Variants in BBX observed in about 807,000 individuals in gnomAD.
BBX encodes the protein HMG box transcription factor BBX.
A neutral mutation model predicts 100.2 loss-of-function variants in BBX; 30 were observed. The ratio of observed to expected loss-of-function variants is 0.30; its 90% confidence interval spans 0.22 to 0.41. The LOEUF is 0.41. Among genes scored for constraint, BBX ranks in the 10% least tolerant of loss-of-function variants. The probability of loss-of-function intolerance (pLI) is 1.00; values close to 1 mark genes in which losing one functional copy is unlikely to be tolerated. For synonymous variants in BBX, 376 were observed against 388.1 expected, an observed-to-expected ratio of 0.97 and a Z score of 0.37; for missense variants, 1,023 against 1,129.8, an observed-to-expected ratio of 0.91 and a Z score of 1.35.
At chr3:107,736,832 A>C (rs894102781) in intron 7 of BBX, among the ~76,000 whole-genome samples, 1 of 152,078 alleles carries the variant, frequency 6.6e-6, no homozygotes, top group African/African-American at 2.4e-5. Flanking sequence ...GCTAGAACAG[A>C]AGGAGAGGGG....
rs1490548935 is a variant in BBX, at chr3:107,691,475, G to A, written c.-9-18977G>A. On this transcript the variant is annotated intron_variant, in intron 3 of 17. Transcript: ENST00000325805. The stretch of plus-strand genomic sequence containing the variant: ...TTCTAAACAGAGCACTGTTATGACT[G>A]AATCATCAAGTAAGCACTTACATTT... Among the ~76,000 whole-genome samples, 3 of 152,136 alleles carry A rather than the reference G, an allele frequency of 2.0e-5. No individual in the cohort carries two copies. The East Asian group carries it at 5.8e-4, about 29-fold the overall frequency.
At position 107,737,884 on chromosome 3, in the gene BBX, G is replaced by GTTTTTTTTT. The variant is rs1156396951; in HGVS notation, c.669+4883_669+4891dup. 5.6e-3 allele frequency among the ~76,000 whole-genome samples: 272 copies of GTTTTTTTTT among 48,860 alleles called. 19 individuals are homozygous for GTTTTTTTTT. Among genetic ancestry groups the GTTTTTTTTT allele is most frequent in the Middle Eastern group, 0.016 (1 of 62 alleles). 32.1% of individuals were successfully genotyped at this position (48,860 alleles called of 152,430 possible). ...GGACCAGAAGTACTTCAGAGTTCCA[G>GTTTTTTTTT]TTTTTTTTTTTTTTTTTTTTTTTTT... On this transcript the variant is annotated intron_variant, in intron 7 of 17. Coordinates refer to ENST00000325805, the MANE Select transcript of BBX (RefSeq NM_001142568.3).
intron 12 of BBX, among the ~76,000 whole-genome samples, chr3:107,775,376 A>G (rs2067240450): frequency 6.6e-6 from 1 of 152,182 alleles, no homozygotes; most frequent in Admixed American, 6.5e-5. Flanking sequence ...TTAATTATAT[A>G]TTGAAATGCA....
chr3:107,606,056 T>G (rs1388634645), intron 2 of BBX, among the ~76,000 whole-genome samples: 1 of 152,228 alleles, frequency 6.6e-6, no homozygotes, highest in Non-Finnish European at 1.5e-5. Flanking sequence ...TCTTGACTTT[T>G]AGGAAAATAA....
intron 2 of BBX, among the ~76,000 whole-genome samples, chr3:107,583,950 T>TA (rs1228095259): frequency 6.6e-5 from 5 of 76,216 alleles, no homozygotes; most frequent in African/African-American, 1.7e-4. Context: ...ATATATATTA[T>TA]TATATTATAT....
chr3:107,534,905 A>G (rs1229244535), intron 2 of BBX, among the ~76,000 whole-genome samples: 1 of 152,252 alleles, frequency 6.6e-6, no homozygotes, highest in African/African-American at 2.4e-5. Flanking sequence ...TGCAGTTTTT[A>G]GAAGTTTCCC....
At chr3:107,581,816 C>T (rs888117250) in intron 2 of BBX, among the ~76,000 whole-genome samples, 3 of 152,052 alleles carry the variant, frequency 2.0e-5, no homozygotes, top group Non-Finnish European at 4.4e-5. Flanking sequence ...ACTATGTCCT[C>T]TAGGGAATAG....
At chr3:107,579,965 TAATTATATA>T (rs939555135) in intron 2 of BBX, among the ~76,000 whole-genome samples, 9 of 152,280 alleles carry the variant, frequency 5.9e-5, no homozygotes, top group African/African-American at 2.2e-4. Context: ...TATTTTTTGT[TAATTATATA>T]AATTATATAT....
At chr3:107,789,347 G>A (rs549737291) in intron 13 of BBX, among the ~76,000 whole-genome samples, 18 of 152,242 alleles carry the variant, frequency 1.2e-4, no homozygotes, top group Admixed American at 7.8e-4. Context: ...TAATGCTGTC[G>A]GGTCAACTGC....
chr3:107,557,769 G>A (rs951077906), intron 2 of BBX, among the ~76,000 whole-genome samples: 1 of 152,200 alleles, frequency 6.6e-6, no homozygotes, highest in African/African-American at 2.4e-5. Flanking sequence ...GTTATTGTAT[G>A]TAGTACAGTG....
intron 15 of BBX, among the ~76,000 whole-genome samples, chr3:107,792,177 A>G (rs746881571): frequency 6.6e-6 from 1 of 152,234 alleles, no homozygotes; most frequent in Admixed American, 6.5e-5. Flanking sequence ...AATGGTTAAG[A>G]GGCCACCTCT....
intron 2 of BBX, among the ~76,000 whole-genome samples, chr3:107,624,908 A>G (rs2056061595): frequency 6.6e-6 from 1 of 152,200 alleles, no homozygotes; most frequent in Admixed American, 6.5e-5. Flanking sequence ...TTAGGAGAAT[A>G]ACATTCATAG....
intron 2 of BBX, among the ~76,000 whole-genome samples, chr3:107,540,513 C>T (rs892175067): frequency 2.0e-5 from 3 of 152,116 alleles, no homozygotes; most frequent in Non-Finnish European, 4.4e-5. Flanking sequence ...AGATCAGAGG[C>T]CTGTAAATGA....
chr3:107,526,241 C>G, intron 1 of BBX, 86 bp from the exon 2 acceptor site: 1 of 398,368 alleles, frequency 2.5e-6, no homozygotes, highest in Non-Finnish European at 4.4e-6. Context: ...TTGGTACCTT[C>G]TCTTCATAGA....
chr3:107,800,089 G>C (rs2070271726), intron 16 of BBX, among the ~76,000 whole-genome samples: 1 of 152,158 alleles, frequency 6.6e-6, no homozygotes, highest in Non-Finnish European at 1.5e-5. Context: ...TAGAAACATA[G>C]AGTATATTAA....
chr3:107,679,610 A>G (rs1559958549), intron 3 of BBX, among the ~76,000 whole-genome samples: 1 of 152,194 alleles, frequency 6.6e-6, no homozygotes, highest in Non-Finnish European at 1.5e-5. Flanking sequence ...GATCCATCCC[A>G]GAAACAACAG....
intron 3 of BBX, among the ~76,000 whole-genome samples, chr3:107,652,904 A>C (rs1250162598): frequency 6.6e-6 from 1 of 152,206 alleles, no homozygotes; most frequent in Non-Finnish European, 1.5e-5. Context: ...AAGATGCTAC[A>C]GGACTTGTTT....
chr3:107,792,357 C>G (rs1308837595), intron 15 of BBX, among the ~76,000 whole-genome samples: 3 of 152,170 alleles, frequency 2.0e-5, no homozygotes, highest in African/African-American at 7.2e-5. Flanking sequence ...ACTTCATGAC[C>G]TAGTCCACAT....
Position 107,544,642 on chromosome 3 carries a change from G to A in BBX, c.-84+18244G>A, listed in dbSNP as rs1487109619. 5.3e-5 allele frequency among the ~76,000 whole-genome samples: 8 copies of A among 152,082 alleles called. No individual in the cohort carries two copies. In the South Asian group the frequency reaches 8.3e-4, roughly 16 times the overall value. ...CCCAGCACTTTGGGAAGGCCAAGGC[G>A]GGCAGATCACTTGAGGCCAGGAGTT... On this transcript the variant is annotated intron_variant, in intron 2 of 17. Transcript: ENST00000325805.
Sources: gnomAD v4.1 joint callset for allele counts (sites outside exome capture counted in the v4.1 genomes callset) on GRCh38, gnomAD v4.1.1 for gene constraint, MANE v1.5 for transcripts, NCBI Gene and HGNC (gene_info 2026-07-23, HGNC 2026-07-21) for gene names.